APBA1: variants seen among roughly 807,000 people sequenced by gnomAD.
APBA1 encodes the protein amyloid beta precursor protein binding family A member 1.
In APBA1, 55 loss-of-function variants were observed where a neutral mutation model predicts 86.6. That is an observed-to-expected ratio of 0.64 (90% CI 0.51 to 0.80). APBA1 has a LOEUF of 0.80. APBA1 is among the 30% of genes least tolerant of loss of function. The pLI, the probability that APBA1 is intolerant of heterozygous loss-of-function variation, is 0.00. For missense variants in APBA1, 1,090 were observed against 1,183.0 expected (o/e 0.92, Z 1.15); for synonymous variants, 511 against 493.9 (o/e 1.03, Z -0.46).
At chr9:69,454,470 C>T (rs967876225) in intron 8 of APBA1, among the ~76,000 whole-genome samples, 7 of 152,156 alleles carry the variant, frequency 4.6e-5, no homozygotes, top group African/African-American at 1.7e-4. Flanking sequence ...ATGAGAGTGC[C>T]ACAGCAGCCT....
chr9:69,447,748 C>T (rs148091223), intron 10 of APBA1, among the ~76,000 whole-genome samples: 2 of 152,304 alleles, frequency 1.3e-5, no homozygotes, highest in Non-Finnish European at 2.9e-5. Flanking sequence ...TACCTGCCCA[C>T]AGAATGCTGC....
At chr9:69,666,647 A>G (rs1823846166) in intron 1 of APBA1, among the ~76,000 whole-genome samples, 1 of 151,892 alleles carries the variant, frequency 6.6e-6, no homozygotes, top group African/African-American at 2.4e-5. Flanking sequence ...CAAAATCACC[A>G]CTCATTACAG....
chr9:69,488,440 G>A (rs1038972824), intron 2 of APBA1, among the ~76,000 whole-genome samples: 2 of 152,080 alleles, frequency 1.3e-5, no homozygotes, highest in African/African-American at 4.8e-5. Flanking sequence ...TAGTCAAAGA[G>A]TAAACTAAGG....
Position 69,631,607 on chromosome 9 carries a change from G to A in APBA1, c.-70+40546C>T, listed in dbSNP as rs567512119. On this transcript the variant is annotated intron_variant, in intron 1 of 12. Transcript: ENST00000265381. ...TGCTGCTATAAAGACACATGCATAC[G>A]CATGTTTATTGCGGCACTATTCACA... is the stretch of plus-strand genomic sequence containing the variant. Among the ~76,000 whole-genome samples, 5 of 152,312 alleles carry A rather than the reference G, an allele frequency of 3.3e-5. No homozygotes were observed. The South Asian group carries it at 8.3e-4, about 25-fold the overall frequency.
chr9:69,469,895 T>C (rs886197907), intron 4 of APBA1, among the ~76,000 whole-genome samples: 2 of 152,234 alleles, frequency 1.3e-5, no homozygotes, highest in African/African-American at 4.8e-5. Flanking sequence ...AAGTCTTCCA[T>C]CTATTTTTTA....
At chr9:69,634,802 C>T (rs1823123268) in intron 1 of APBA1, among the ~76,000 whole-genome samples, 1 of 151,240 alleles carries the variant, frequency 6.6e-6, no homozygotes, top group Non-Finnish European at 1.5e-5. Flanking sequence ...ACCTCACAGG[C>T]CAGGAGAGAG....
chr9:69,566,185 T>C (rs1334178238), intron 1 of APBA1, among the ~76,000 whole-genome samples: 1 of 152,242 alleles, frequency 6.6e-6, no homozygotes, highest in Non-Finnish European at 1.5e-5. Flanking sequence ...CCGTGCTGCA[T>C]ATCCCCATAG....
At chr9:69,431,616 A>G (rs188919209) in intron 12 of APBA1, among the ~76,000 whole-genome samples, 238 of 152,364 alleles carry the variant, frequency 1.6e-3, no homozygotes, top group African/African-American at 4.9e-3. Context: ...AGAAATGAAC[A>G]ACAAAAACCA....
chr9:69,468,853 C>T (rs530143905), intron 4 of APBA1, among the ~76,000 whole-genome samples: 27 of 147,668 alleles, frequency 1.8e-4, no homozygotes, highest in Non-Finnish European at 3.3e-4. Flanking sequence ...TTGAAACATA[C>T]GTATTTTATT....
intron 2 of APBA1, among the ~76,000 whole-genome samples, chr9:69,501,460 C>A (rs1201682455): frequency 6.6e-6 from 1 of 151,918 alleles, no homozygotes; most frequent in Non-Finnish European, 1.5e-5. Flanking sequence ...TGTTCCTCTC[C>A]CAGCACCTTC....
At chr9:69,494,876 A>G (rs1835771365) in intron 2 of APBA1, among the ~76,000 whole-genome samples, 1 of 152,154 alleles carries the variant, frequency 6.6e-6, no homozygotes, top group Admixed American at 6.5e-5. Flanking sequence ...GCACTGTACA[A>G]GGGTACATTA....
At chr9:69,624,053 A>T (rs1231845372) in intron 1 of APBA1, among the ~76,000 whole-genome samples, 1 of 152,232 alleles carries the variant, frequency 6.6e-6, no homozygotes, top group African/African-American at 2.4e-5. Context: ...CTATCTTTAG[A>T]ACATGCTGGC....
chr9:69,589,736 A>T (rs1822091653), intron 1 of APBA1, among the ~76,000 whole-genome samples: 2 of 152,316 alleles, frequency 1.3e-5, no homozygotes, highest in South Asian at 4.1e-4. Context: ...AAGATCTGAG[A>T]TCCTGATTGA....
chr9:69,654,737 CA>C (rs751961704), intron 1 of APBA1, among the ~76,000 whole-genome samples: 13 of 152,178 alleles, frequency 8.5e-5, no homozygotes, highest in Non-Finnish European at 1.3e-4. Flanking sequence ...TAAAACCACA[CA>C]AGGATACAAC....
chr9:69,547,100 T>G (rs1370041938), intron 1 of APBA1, among the ~76,000 whole-genome samples: 3 of 152,176 alleles, frequency 2.0e-5, no homozygotes, highest in Admixed American at 2.0e-4. Flanking sequence ...ATTGTCGGAG[T>G]ACAGAGACCA....
In APBA1 at chr9:69,432,693, CAG is replaced by C. The variant is rs1488575341; in HGVS notation, c.2302-19_2302-18del. 5 of 1,541,508 alleles carry C rather than the reference CAG, an allele frequency of 3.2e-6. No individual in the cohort carries two copies. The highest frequency in any genetic ancestry group is 1.3e-5 in the South Asian group (1 of 78,732). On this transcript the variant is annotated intron_variant, in intron 11 of 12. Coordinates refer to ENST00000265381, the MANE Select transcript of APBA1 (RefSeq NM_001163.4). ...GCTGCAGATCTGCCAGAGTCAAAGG[CAG>C]AGTTACCCTCATTGCAGACAGTGCG...
intron 1 of APBA1, among the ~76,000 whole-genome samples, chr9:69,583,394 A>G (rs1007549422): frequency 6.6e-6 from 1 of 152,144 alleles, no homozygotes; most frequent in Non-Finnish European, 1.5e-5. Context: ...ATTGAGGTTA[A>G]TAGGGGTTCA....
rs1419392884 is a variant in APBA1 at position 69,658,287 on chromosome 9, TCTCTCTTTCTCTCTCTCTC to T, written c.-70+13847_-70+13865del. ...TTCTTTCTTTCTTTCTTTCTTTCTC[TCTCTCTTTCTCTCTCTCTC>T]TTTCTTTCTTTCTTTCTTTCTTTCT... is the stretch of plus-strand genomic sequence containing the variant. On this transcript the variant is annotated intron_variant, in intron 1 of 12. Transcript: ENST00000265381. Among the ~76,000 whole-genome samples the T allele has an allele frequency of 1.8e-3, 121 of 65,774 alleles. 2 individuals carry two copies. The highest frequency in any genetic ancestry group is 2.9e-3 in the South Asian group (4 of 1,378). The allele number at this position is 65,774 out of a possible 152,430, so 43.2% of individuals were successfully genotyped here. A position where few individuals can be genotyped will look rare whatever the true frequency, so the allele number is the denominator to read the frequency against.
intron 1 of APBA1, among the ~76,000 whole-genome samples, chr9:69,580,179 A>G (rs1233041286): frequency 1.3e-5 from 2 of 152,106 alleles, no homozygotes; most frequent in Non-Finnish European, 1.5e-5. Flanking sequence ...TTTGCTTGCC[A>G]AACGTTATTG....
Sources: gnomAD v4.1 joint callset for allele counts (sites outside exome capture counted in the v4.1 genomes callset) on GRCh38, gnomAD v4.1.1 for gene constraint, MANE v1.5 for transcripts, NCBI Gene and HGNC (gene_info 2026-07-23, HGNC 2026-07-21) for gene names.